WDR43: variants seen among roughly 807,000 people sequenced by gnomAD.
The protein encoded by WDR43 is WD repeat-containing protein 43.
In WDR43, 13 loss-of-function variants were observed where a neutral mutation model predicts 91.4. That is an observed-to-expected ratio of 0.14 (90% CI 0.09 to 0.23). The LOEUF (loss-of-function observed/expected upper bound fraction) is 0.23. WDR43 is among the 10% of genes least tolerant of loss of function. The pLI is 1.00. For missense variants in WDR43, 780 were observed against 809.4 expected (o/e 0.96, Z 0.44); for synonymous variants, 331 against 287.9 (o/e 1.15, Z -1.51).
In WDR43 at chr2:28,936,664, A is replaced by G. The variant is rs372790131; in HGVS notation, c.1525-258A>G. On this transcript the variant is annotated intron_variant, in intron 12 of 17. Transcript: ENST00000407426. ...TCACTCTCCATTCTTCCTTCTCCCC[A>G]GTTGGCTGGCAATCACTAAGCTATT... is the stretch of plus-strand genomic sequence containing the variant. Among the ~76,000 whole-genome samples, 13 of 152,234 alleles carry G rather than the reference A, an allele frequency of 8.5e-5. No homozygotes were observed. In the South Asian group the frequency reaches 2.7e-3, roughly 32 times the overall value.
chr2:28,945,545 G>C (rs1168142076), intron 16 of WDR43, among the ~76,000 whole-genome samples: 1 of 152,096 alleles, frequency 6.6e-6, no homozygotes, highest in African/African-American at 2.4e-5. Flanking sequence ...GCTTCCTTTT[G>C]GTTTCTTTTA....
chr2:28,897,291 GA>G (rs527297139), intron 1 of WDR43, among the ~76,000 whole-genome samples: 2 of 151,798 alleles, frequency 1.3e-5, no homozygotes, highest in African/African-American at 2.4e-5. Context: ...AGATATCTTA[GA>G]AAAAAAAGGC....
At chr2:28,943,814 A>G (rs188078947) in intron 16 of WDR43, among the ~76,000 whole-genome samples, 5 of 152,342 alleles carry the variant, frequency 3.3e-5, no homozygotes, top group Admixed American at 2.6e-4. Context: ...AAATGGATAA[A>G]TTTGAAAGAG....
chr2:28,916,564 A>G (rs563570905), intron 5 of WDR43, among the ~76,000 whole-genome samples: 21 of 152,170 alleles, frequency 1.4e-4, no homozygotes, highest in African/African-American at 5.1e-4. Flanking sequence ...TGTTGAAAAG[A>G]TTATCTCTGC....
chr2:28,907,062 G>T (rs745420403), intron 3 of WDR43, among the ~76,000 whole-genome samples: 9 of 152,140 alleles, frequency 5.9e-5, no homozygotes, highest in Admixed American at 4.6e-4. Context: ...AGATGATATG[G>T]GTCAAAGGAT....
Position 28,935,173 on chromosome 2 carries a change from A to T in WDR43, c.1438-348A>T, listed in dbSNP as rs181840347. 1.6e-4 allele frequency among the ~76,000 whole-genome samples: 24 copies of T among 152,346 alleles called. No individual in the cohort carries two copies. In the East Asian group the frequency reaches 4.6e-3, roughly 29 times the overall value. The stretch of plus-strand genomic sequence containing the variant: ...TACTGTTTTGCTCACTCTAGGGTGG[A>T]TACAGCCCAAATTTCATAAAATGGA... On this transcript the variant is annotated intron_variant, in intron 11 of 17. Coordinates refer to ENST00000407426, the MANE Select transcript of WDR43 (RefSeq NM_015131.3).
intron 6 of WDR43, among the ~76,000 whole-genome samples, chr2:28,918,753 C>T (rs529304641): frequency 8.5e-5 from 13 of 152,144 alleles, no homozygotes; most frequent in Non-Finnish European, 1.9e-4. Context: ...ATTAGGGATT[C>T]GATGATTAAA....
At chr2:28,918,035 A>C (rs1323835264) in intron 6 of WDR43, 40 bp downstream of exon 6, 1 of 1,497,978 alleles carries the variant, frequency 6.7e-7, no homozygotes. Context: ...TTTGGGTTTC[A>C]CAGATGTTAT....
At chr2:28,913,754 G>A (rs1277827702) in intron 4 of WDR43, 1 of 550,666 alleles carries the variant, frequency 1.8e-6, no homozygotes, top group Non-Finnish European at 3.6e-6. Flanking sequence ...AGCACCCAAA[G>A]TATGCCTTTT....
rs1222130339 is a variant in WDR43 at position 28,917,950 on chromosome 2, T to A, written c.804T>A (p.Asp268Glu). The change falls in exon 6 of 18, where the codon GAT (aspartate) becomes GAA (glutamate). Residue 268 changes from aspartate (D) to glutamate (E), a missense_variant. By Grantham distance (45) the Asp-to-Glu change is conservative. Coordinates refer to ENST00000407426, the MANE Select transcript of WDR43 (RefSeq NM_015131.3). Reference sequence around the variant, plus strand: ...CAGTGATGTCATTTACAGTTACCGATGAACCTGTCTATATTGACTTAACTT... The same window carrying A: ...CAGTGATGTCATTTACAGTTACCGAAGAACCTGTCTATATTGACTTAACTT... Reference protein sequence around the residue: ...KSAVMSFTVTDEPVYIDLTLS... With the variant: ...KSAVMSFTVTEEPVYIDLTLS... 2 of 1,586,530 alleles carry A rather than the reference T, an allele frequency of 1.3e-6. No individual in the cohort carries two copies. Among genetic ancestry groups the A allele is most frequent in the Middle Eastern group, 1.7e-4 (1 of 6,030 alleles).
At chr2:28,926,630 T>C in intron 9 of WDR43, 76 bp downstream of exon 9, 1 of 1,254,634 alleles carries the variant, frequency 8.0e-7, no homozygotes, top group Non-Finnish European at 1.1e-6. Flanking sequence ...CTTAGTATTA[T>C]GATTAAACTG....
intron 7 of WDR43, 71 bp downstream of exon 7, chr2:28,923,054 T>A: frequency 7.7e-7 from 1 of 1,302,856 alleles, no homozygotes; most frequent in Non-Finnish European, 1.1e-6. Context: ...TACTCCCACC[T>A]GGTTATTCTT....
intron 12 of WDR43, 89 bp from the exon 13 acceptor site, chr2:28,936,833 A>G: frequency 8.4e-7 from 1 of 1,184,146 alleles, no homozygotes; most frequent in Non-Finnish European, 1.2e-6. Context: ...TAGAATAATA[A>G]TTTCTCAATA....
chr2:28,932,338 T>G (rs1671263995), intron 11 of WDR43, among the ~76,000 whole-genome samples: 1 of 152,142 alleles, frequency 6.6e-6, no homozygotes, highest in Non-Finnish European at 1.5e-5. Flanking sequence ...TAATTTTGTA[T>G]TTTTAGTAGA....
intron 16 of WDR43, among the ~76,000 whole-genome samples, chr2:28,944,157 T>C (rs1671497856): frequency 6.6e-6 from 1 of 152,054 alleles, no homozygotes; most frequent in Admixed American, 6.6e-5. Context: ...AAAAATAGAG[T>C]GGAGAAGCAG....
chr2:28,942,619 CT>C (rs11379144), intron 16 of WDR43, among the ~76,000 whole-genome samples: 29,574 of 139,342 alleles, frequency 0.21, 3,369 homozygotes, highest in African/African-American at 0.29. Flanking sequence ...TTTTTCTTTT[CT>C]TTTTTTTTTT....
intron 16 of WDR43, among the ~76,000 whole-genome samples, chr2:28,942,623 T>TC (rs1280535858): frequency 6.2e-4 from 93 of 150,796 alleles, no homozygotes; most frequent in African/African-American, 1.0e-3. Context: ...TCTTTTCTTT[T>TC]TTTTTTTTTT....
Position 28,894,737 on chromosome 2 carries a change from C to G in WDR43, c.39C>G (p.Ala13=). The part of the protein sequence containing the change: ...AGGGGSCDPL[A]PAGVPCAFSP... ...GCGGCGGTAGCTGCGACCCCCTGGC[C>G]CCTGCTGGGGTCCCTTGCGCCTTCT... Residue 13 remains alanine, a synonymous_variant, in exon 1 of 18, where the codon GCC becomes GCG. Transcript: ENST00000407426. The G allele has an allele frequency of 1.9e-6, 3 of 1,587,208 alleles. No individual in the cohort carries two copies. The highest frequency in any genetic ancestry group is 2.3e-5 in the South Asian group (2 of 87,858).
chr2:28,939,152 C>G (rs1262262011), intron 14 of WDR43, among the ~76,000 whole-genome samples: 1 of 147,366 alleles, frequency 6.8e-6, no homozygotes, highest in African/African-American at 2.5e-5. Flanking sequence ...GACTTGGGAG[C>G]ACTGGTGAGA....
Sources: gnomAD v4.1 joint callset for allele counts (sites outside exome capture counted in the v4.1 genomes callset) on GRCh38, gnomAD v4.1.1 for gene constraint, MANE v1.5 for transcripts, NCBI Gene and HGNC (gene_info 2026-07-23, HGNC 2026-07-21) for gene names.